GBP5: variants seen among roughly 807,000 people sequenced by gnomAD.
GBP5 encodes the protein guanylate-binding protein 5.
Under a neutral mutation model 58.2 loss-of-function variants are expected in GBP5, and 48 were observed. That is an observed-to-expected ratio of 0.83 (90% CI 0.65 to 1.05). The LOEUF is 1.05. Among genes scored for constraint, GBP5 ranks in the 50% least tolerant of loss-of-function variants. The pLI is 0.00. For missense variants in GBP5, 714 were observed against 686.8 expected (o/e 1.04, Z -0.44); for synonymous variants, 248 against 251.8 (o/e 0.98, Z 0.14).
rs762363139 is a variant in GBP5, at chr1:89,269,472, C to T, written c.84G>A (p.Leu28=). 2.5e-5 allele frequency: 40 copies of T among 1,614,080 alleles called. No homozygotes were observed. The highest frequency in any genetic ancestry group is 3.3e-5 in the Non-Finnish European group (39 of 1,179,968). ...NEQLKVNQEA[L]EILSAITQPV... ...GTTGCGTAATGGCAGACAGGATCTC[C>T]AAAGCTTCCTGATTAACCTTCAGCT... is the stretch of plus-strand genomic sequence containing the variant. Residue 28 remains leucine (L), a synonymous_variant, in exon 3 of 12, where the codon TTG becomes TTA. Coordinates refer to ENST00000370459, the MANE Select transcript of GBP5 (RefSeq NM_052942.5).
intron 2 of GBP5, chr1:89,270,237 G>C (rs763962159): frequency 2.6e-5 from 4 of 151,872 alleles, no homozygotes; most frequent in Non-Finnish European, 4.4e-5. Context: ...TCTAACTTCT[G>C]AGCATCAATC....
rs558735448 is a variant in GBP5 at position 89,269,656 on chromosome 1, G to A, written c.-19-82C>T. ...GGAAGTCATTTTGCTTACTGAACCT[G>A]GGGACATACTACTCCCCAGCACTGC... On this transcript the variant is annotated intron_variant, in intron 2 of 11. Coordinates refer to ENST00000370459, the MANE Select transcript of GBP5 (RefSeq NM_052942.5). 3.9e-4 allele frequency: 350 copies of A among 890,342 alleles called. 10 individuals carry two copies. The South Asian group carries it at 5.3e-3, about 13-fold the overall frequency. 55.2% of individuals were successfully genotyped at this position (890,342 alleles called of 1,614,324 possible). A position where few individuals can be genotyped will look rare whatever the true frequency, so the allele number is the denominator to read the frequency against.
At chr1:89,262,960 A>T in intron 9 of GBP5, 175 bp from the exon 10 acceptor site, 5 of 461,214 alleles carry the variant, frequency 1.1e-5, no homozygotes, top group South Asian at 7.7e-5. Flanking sequence ...ACTTGGTGGA[A>T]CTGCCAATTG....
At chr1:89,269,263 A>T in intron 3 of GBP5, 103 bp downstream of exon 3, 1 of 1,156,502 alleles carries the variant, frequency 8.6e-7, no homozygotes, top group Non-Finnish European at 1.2e-6. Flanking sequence ...ATTGGCTTTT[A>T]ATATTCATCC....
intron 11 of GBP5, 120 bp from the exon 12 acceptor site, chr1:89,260,937 A>C: frequency 1.5e-6 from 1 of 662,106 alleles, no homozygotes; most frequent in Non-Finnish European, 2.7e-6. Context: ...TCTCTCTTCC[A>C]TTCACGTGCA....
At position 89,267,314 on chromosome 1, in the gene GBP5, T is replaced by C. The variant is rs994828284; in HGVS notation, c.428+103A>G. The C allele has an allele frequency of 1.6e-5, 16 of 1,004,458 alleles. No homozygotes were observed. The African/African-American group carries it at 2.4e-4, about 15-fold the overall frequency. The allele number at this position is 1,004,458 out of a possible 1,614,324, so 62.2% of individuals were successfully genotyped here. On this transcript the variant is annotated intron_variant, in intron 5 of 11. Transcript: ENST00000370459. ...CCTTTCTTTGTACTTTCAATGTTTA[T>C]CACGTTTCCATTTTTGTGATTCACA...
At position 89,263,768 on chromosome 1, in the gene GBP5, T is replaced by C; in HGVS notation, c.1330A>G (p.Lys444Glu). 6.2e-7 allele frequency: 1 copy of C among 1,613,788 alleles called. No homozygotes were observed. Among genetic ancestry groups the C allele is most frequent in the Non-Finnish European group, 8.5e-7 (1 of 1,179,866 alleles). Residue 444 changes from lysine (K) to glutamate (E), a missense_variant, in exon 9 of 12, where the codon AAG becomes GAG. Physicochemically the swap from Lys to Glu is moderately conservative, Grantham distance 56. Transcript: ENST00000370459. ...FIQKTEELKA[K>E]YYREPRKGIQ... ...CCTTTCCGAGGCTCCCGATAGTACTTTGCCTTCAGTTCTTCTGTTTTCTGA... is the reference window on the plus strand; with the variant it reads ...CCTTTCCGAGGCTCCCGATAGTACTCTGCCTTCAGTTCTTCTGTTTTCTGA...
chr1:89,262,543 T>G (rs565444061), intron 10 of GBP5, 140 bp downstream of exon 10: 9 of 907,150 alleles, frequency 9.9e-6, no homozygotes, highest in South Asian at 8.1e-5. Flanking sequence ...TGCAGGATCA[T>G]GCCAGTCAGA....
intron 4 of GBP5, among the ~76,000 whole-genome samples, chr1:89,268,504 A>G (rs1286697768): frequency 2.0e-5 from 3 of 152,156 alleles, no homozygotes; most frequent in Admixed American, 2.0e-4. Flanking sequence ...ATTTGCGTTA[A>G]TTGCCTAGCT....
intron 4 of GBP5, 129 bp from the exon 5 acceptor site, chr1:89,267,655 T>C (rs1021409021): frequency 1.6e-6 from 1 of 639,600 alleles, no homozygotes; most frequent in African/African-American, 1.8e-5. Context: ...TAACTTTGAA[T>C]AGTTCTCTTG....
At chr1:89,266,866 T>C in intron 6 of GBP5, 91 bp downstream of exon 6, 1 of 832,408 alleles carries the variant, frequency 1.2e-6, no homozygotes, top group Non-Finnish European at 1.9e-6. Flanking sequence ...TATATATATA[T>C]AGAAAACCAT....
In GBP5 at chr1:89,265,615, C is replaced by T. The variant is rs376757241; in HGVS notation, c.869-649G>A. Reference sequence around the variant, plus strand: ...TGGTGGCGGGTGCCTGTAGTCCCAGCTACTCAGGAGGCTGAGGCAGGAAAA... The same window carrying T: ...TGGTGGCGGGTGCCTGTAGTCCCAGTTACTCAGGAGGCTGAGGCAGGAAAA... On this transcript the variant is annotated intron_variant, in intron 7 of 11. Transcript: ENST00000370459. Among the ~76,000 whole-genome samples, 17 of 150,478 alleles carry T rather than the reference C, an allele frequency of 1.1e-4. 3 individuals carry two copies. Among genetic ancestry groups the T allele is most frequent in the Admixed American group, 2.0e-4 (3 of 15,032 alleles).
At chr1:89,267,553 T>C in intron 4 of GBP5, 27 bp from the exon 5 acceptor site, 1 of 1,415,064 alleles carries the variant, frequency 7.1e-7, no homozygotes, top group Non-Finnish European at 1.0e-6. Context: ...ATTTAAGTCA[T>C]GTCTCATGGG....
At chr1:89,267,390 G>A (rs774166116) in intron 5 of GBP5, 27 bp downstream of exon 5, 1 of 1,502,486 alleles carries the variant, frequency 6.7e-7, no homozygotes, top group South Asian at 1.1e-5. Context: ...TCGGACTTTG[G>A]TGCCATCCCA....
In GBP5 at chr1:89,262,415, G is replaced by A. The variant is rs201355327; in HGVS notation, c.1466-14C>T. 1.7e-5 allele frequency: 27 copies of A among 1,609,248 alleles called. No individual in the cohort carries two copies. In the East Asian group the frequency reaches 2.2e-4, roughly 13 times the overall value. ...TCACTTGTGCCTCTGAGGAGAAAAA[G>A]ATAATCTTCTCTAGGATTAATGTGC... is the stretch of plus-strand genomic sequence containing the variant. On this transcript the variant is annotated splice_polypyrimidine_tract_variant and intron_variant, in intron 10 of 11. Coordinates refer to ENST00000370459, the MANE Select transcript of GBP5 (RefSeq NM_052942.5).
In GBP5 at chr1:89,260,572, A is replaced by C; in HGVS notation, c.*132T>G. On this transcript the variant is annotated 3_prime_UTR_variant, in exon 12 of 12. Coordinates refer to ENST00000370459, the MANE Select transcript of GBP5 (RefSeq NM_052942.5). ...CAGATACCAGCATCATAATCTTATA[A>C]CTCTATATGAAAGTTTGAAAAAATA... The C allele has an allele frequency of 1.6e-6, 1 of 616,002 alleles. No homozygotes were observed. The highest frequency in any genetic ancestry group is 2.9e-6 in the Non-Finnish European group (1 of 348,814). 38.2% of individuals were successfully genotyped at this position (616,002 alleles called of 1,614,324 possible).
At chr1:89,262,158 T>A in intron 11 of GBP5, 62 bp downstream of exon 11, 1 of 1,511,238 alleles carries the variant, frequency 6.6e-7, no homozygotes, top group Admixed American at 1.7e-5. Flanking sequence ...CTCTCCCTCT[T>A]TGCCACTGCT....
chr1:89,257,844 T>C lies in GBP5; in HGVS notation c.*2860A>G, dbSNP rs753814584. Among the ~76,000 whole-genome samples, 1 of 152,240 alleles carries C rather than the reference T, an allele frequency of 6.6e-6. No homozygotes were observed. The highest frequency in any genetic ancestry group is 6.5e-5 in the Admixed American group (1 of 15,290). On this transcript the variant is annotated 3_prime_UTR_variant, in exon 12 of 12. Transcript: ENST00000370459. ...TTAAAACAACAGAAGCTTATTATCT[T>C]ACAGTTTTGGAAATCAGAAGTCTGT... is the stretch of plus-strand genomic sequence containing the variant.
intron 10 of GBP5, 74 bp from the exon 11 acceptor site, chr1:89,262,475 G>T: frequency 7.4e-7 from 1 of 1,349,038 alleles, no homozygotes; most frequent in Non-Finnish European, 1.0e-6. Context: ...GTTTGTGATT[G>T]TTCCAACTTC....
Sources: allele counts gnomAD v4.1 joint callset (sites outside exome capture counted in the v4.1 genomes callset), GRCh38; gene constraint gnomAD v4.1.1; transcripts MANE v1.5; gene names NCBI Gene and HGNC (gene_info 2026-07-23, HGNC 2026-07-21).